DGKH: variants seen among roughly 807,000 people sequenced by gnomAD.
DGKH encodes diacylglycerol kinase eta, also known as DAG kinase eta.
Under a neutral mutation model 159.3 loss-of-function variants are expected in DGKH, and 90 were observed. That is an observed-to-expected ratio of 0.57 (90% confidence interval 0.48 to 0.67). DGKH has a LOEUF of 0.67. Among genes scored for constraint, DGKH ranks in the 30% least tolerant of loss-of-function variants. DGKH has a pLI of 0.00. For missense variants in DGKH, 1,181 were observed against 1,506.1 expected, an observed-to-expected ratio of 0.78 and a Z score of 3.57; for synonymous variants, 536 against 553.8, an observed-to-expected ratio of 0.97 and a Z score of 0.45.
Position 42,048,743 on chromosome 13 carries a change from C to T in DGKH, c.-31C>T. 3.2e-6 allele frequency: 4 copies of T among 1,251,872 alleles called. No homozygotes were observed. Among genetic ancestry groups the T allele is most frequent in the Non-Finnish European group, 4.0e-6 (4 of 991,604 alleles). 77.5% of individuals were successfully genotyped at this position (1,251,872 alleles called of 1,614,324 possible). On this transcript the variant is annotated 5_prime_UTR_variant, in exon 1 of 30. Coordinates refer to ENST00000337343, the MANE Select transcript of DGKH (RefSeq NM_178009.5). This position sits in a 1 kb window ranked among gnomAD's most constrained non-coding sequence, Gnocchi z 6.7. Reference sequence around the variant, plus strand: ...GACCAACGCCGCCGCCCCCGCCGGGCGGTGCTGTGTCCCCGCAGGAGTCGG... The same window carrying T: ...GACCAACGCCGCCGCCCCCGCCGGGTGGTGCTGTGTCCCCGCAGGAGTCGG...
At chr13:42,223,220 G>T (rs139122410) in intron 29 of DGKH, among the ~76,000 whole-genome samples, 1 of 152,232 alleles carries the variant, frequency 6.6e-6, no homozygotes, top group South Asian at 2.1e-4. Flanking sequence ...TGTCAGCAGC[G>T]GCAAGTCCTT....
intron 1 of DGKH, among the ~76,000 whole-genome samples, chr13:42,064,396 G>C (rs749828407): frequency 5.3e-5 from 8 of 152,300 alleles, no homozygotes; most frequent in Middle Eastern, 6.8e-3. Context: ...AGCGCTGTCA[G>C]CCTGGTGTGG....
intron 1 of DGKH, among the ~76,000 whole-genome samples, chr13:42,120,516 T>G (rs1041123806): frequency 3.3e-5 from 5 of 152,202 alleles, no homozygotes; most frequent in African/African-American, 1.2e-4. Context: ...ACTCAAAATT[T>G]TTCAGTTATT....
chr13:42,221,032 TA>T, intron 28 of DGKH: 1 of 394,810 alleles, frequency 2.5e-6, no homozygotes, highest in Non-Finnish European at 4.5e-6. Context: ...GGACTAAAGC[TA>T]AGCATGGGTG....
chr13:42,087,977 C>G (rs1317723401), intron 1 of DGKH, among the ~76,000 whole-genome samples: 1 of 152,094 alleles, frequency 6.6e-6, no homozygotes, highest in Non-Finnish European at 1.5e-5. Context: ...TCAGAATCAA[C>G]TTGCAGGAAA....
chr13:42,148,712 G>T (rs71428870), intron 3 of DGKH, among the ~76,000 whole-genome samples: 1 of 152,140 alleles, frequency 6.6e-6, no homozygotes, highest in Non-Finnish European at 1.5e-5. Context: ...GTGGTTAAAA[G>T]GTTCCTCATA....
At chr13:42,191,171 A>G (rs1004969677) in intron 16 of DGKH, among the ~76,000 whole-genome samples, 1 of 152,228 alleles carries the variant, frequency 6.6e-6, no homozygotes, top group Admixed American at 6.5e-5. Flanking sequence ...TTAATATTGT[A>G]TATTGCCTAA....
At chr13:42,207,013 T>TTCTTTCTTTCTC (rs1957497923) in intron 21 of DGKH, among the ~76,000 whole-genome samples, 1 of 143,992 alleles carries the variant, frequency 6.9e-6, no homozygotes, top group Non-Finnish European at 1.5e-5. Context: ...CTTTCTTTCT[T>TTCTTTCTTTCTC]TCTTTCTTTC....
intron 20 of DGKH, among the ~76,000 whole-genome samples, chr13:42,200,710 G>A (rs950520144): frequency 5.3e-5 from 8 of 152,120 alleles, no homozygotes; most frequent in African/African-American, 1.9e-4. Flanking sequence ...GGACTAAAGA[G>A]GTGTCTCGCT....
intron 25 of DGKH, among the ~76,000 whole-genome samples, chr13:42,214,869 C>A (rs1307187746): frequency 6.6e-6 from 1 of 151,872 alleles, no homozygotes; most frequent in Non-Finnish European, 1.5e-5. Context: ...TCACTTCTTT[C>A]TTTTTTGAAC....
chr13:42,151,608 CACA>C (rs1555266639), intron 3 of DGKH, among the ~76,000 whole-genome samples: 6 of 127,516 alleles, frequency 4.7e-5, no homozygotes, highest in Admixed American at 2.4e-4. Flanking sequence ...CACACACACA[CACA>C]CACCCCATGG....
At position 42,242,818 on chromosome 13, in the gene DGKH, T is replaced by C. The variant is rs190204055; in HGVS notation, c.*13630T>C. The C allele has an allele frequency of 1.3e-5, 2 of 152,236 alleles. No homozygotes were observed. The highest frequency in any genetic ancestry group is 4.8e-5 in the African/African-American group (2 of 41,470). The allele number at this position is 152,236 out of a possible 1,614,324, so 9.4% of individuals were successfully genotyped here. ...AAGTAATGGTTGATCCTGATGTACA[T>C]GATGATGAAAGACATCTTTCCCAAA... On this transcript the variant is annotated 3_prime_UTR_variant, in exon 30 of 30. Coordinates refer to ENST00000337343, the MANE Select transcript of DGKH (RefSeq NM_178009.5).
In DGKH at chr13:42,168,770, C is replaced by T. The variant is rs1288650759; in HGVS notation, c.1319C>T (p.Pro440Leu). 1 of 1,614,070 alleles carries T rather than the reference C, an allele frequency of 6.2e-7. No individual in the cohort carries two copies. Reference sequence around the variant, plus strand: ...TCATATGACGATGACACCCAACTTCCTCAGATCCTAGAGAAACTGGAACGA... The same window carrying T: ...TCATATGACGATGACACCCAACTTCTTCAGATCCTAGAGAAACTGGAACGA... ...GGSYDDDTQL[P>L]QILEKLERAS... The change falls in exon 11 of 30, where the codon CCT becomes CTT. Residue 440 changes from proline to leucine, a missense_variant. By Grantham distance (98) the Pro-to-Leu change is moderately conservative. Coordinates refer to ENST00000337343, the MANE Select transcript of DGKH (RefSeq NM_178009.5).
intron 1 of DGKH, among the ~76,000 whole-genome samples, chr13:42,107,842 G>C (rs952234611): frequency 2.0e-5 from 3 of 152,054 alleles, no homozygotes; most frequent in Non-Finnish European, 4.4e-5. Flanking sequence ...GGGACCCCTG[G>C]TATGCCCCTG....
chr13:42,136,922 TA>T (rs1955414090), intron 3 of DGKH, among the ~76,000 whole-genome samples: 1 of 152,168 alleles, frequency 6.6e-6, no homozygotes, highest in Non-Finnish European at 1.5e-5. Context: ...AAGGTCTACA[TA>T]AAAAGACACC....
intron 3 of DGKH, among the ~76,000 whole-genome samples, chr13:42,131,719 C>T (rs1444847687): frequency 6.6e-6 from 1 of 152,154 alleles, no homozygotes. Flanking sequence ...GAGTAGAGAA[C>T]AAACAAATGA....
chr13:42,159,812 A>T (rs908799363), intron 6 of DGKH, among the ~76,000 whole-genome samples, 199 bp from the exon 7 acceptor site: 5 of 152,214 alleles, frequency 3.3e-5, no homozygotes, highest in African/African-American at 1.2e-4. Flanking sequence ...CTGAACCCTG[A>T]AGGGAAAAGC....
chr13:42,077,120 G>T (rs1189106175), intron 1 of DGKH, among the ~76,000 whole-genome samples: 4 of 152,020 alleles, frequency 2.6e-5, no homozygotes, highest in Non-Finnish European at 5.9e-5. Flanking sequence ...CTTTCAAATT[G>T]CTCATATTTG....
In DGKH at chr13:42,206,064, C is replaced by A; in HGVS notation, c.2519C>A (p.Pro840His). The A allele has an allele frequency of 7.0e-7, 1 of 1,431,396 alleles. No individual in the cohort carries two copies. Among genetic ancestry groups the A allele is most frequent in the Non-Finnish European group, 9.2e-7 (1 of 1,084,948 alleles). 88.7% of individuals were successfully genotyped at this position (1,431,396 alleles called of 1,614,324 possible). ...LECDGQYIPL[P>H]SLQGIAVLNI... Reference sequence around the variant, plus strand: ...TGTGATGGGCAGTATATTCCTCTTCCCAGCTTGCAAGGCATAGCCGTGTTG... The same window carrying A: ...TGTGATGGGCAGTATATTCCTCTTCACAGCTTGCAAGGCATAGCCGTGTTG... The change falls in exon 21 of 30, where the codon CCC becomes CAC. Residue 840 changes from proline to histidine, a missense_variant. By Grantham distance (77) the Pro-to-His change is moderately conservative (BLOSUM62 -2). Around this residue, in one of 5 missense-constraint regions of DGKH, gnomAD observed 335 missense variants for 495.2 expected, o/e 0.68. Transcript: ENST00000337343.
Sources: gnomAD v4.1 joint callset for allele counts (sites outside exome capture counted in the v4.1 genomes callset) on GRCh38, gnomAD v4.1.1 for gene constraint, gnomAD v4.1.1 regional missense constraint, Gnocchi (gnomAD v3.1) non-coding constraint, MANE v1.5 for transcripts, NCBI Gene and HGNC (gene_info 2026-07-23, HGNC 2026-07-21) for gene names.